FAM118A: variants seen among roughly 807,000 people sequenced by gnomAD.
The protein encoded by FAM118A is protein FAM118A.
Under a neutral mutation model 38.2 loss-of-function variants are expected in FAM118A, and 25 were observed. The observed-to-expected ratio is 0.65, with a 90% confidence interval of 0.48 to 0.91. The LOEUF (loss-of-function observed/expected upper bound fraction) is 0.91, where lower values mean the gene tolerates loss of function less well. Ranked by LOEUF, FAM118A falls within the 40% of genes least tolerant of loss-of-function variation. FAM118A has a pLI of 0.00. For missense variants in FAM118A, 425 were observed against 463.3 expected, an observed-to-expected ratio of 0.92 and a Z score of 0.76; for synonymous variants, 178 against 184.1, an observed-to-expected ratio of 0.97 and a Z score of 0.27.
At position 45,336,408 on chromosome 22, in the gene FAM118A, A is replaced by G; in HGVS notation, c.1051A>G (p.Thr351Ala). Residue 351 changes from threonine (T) to alanine (A), a missense_variant, in exon 8 of 9, where the codon ACT (threonine) becomes GCT (alanine). By Grantham distance (58) the Thr-to-Ala change is moderately conservative. Coordinates refer to ENST00000441876, the MANE Select transcript of FAM118A (RefSeq NM_017911.4). ...TTCAAAAAAACGCACACAATCAGAT[A>G]CTGGTATTGTGTCTGTTCTTTTTGT... ...EVSKKRTQSD[T>A]DDAGGS 6.2e-7 allele frequency: 1 copy of G among 1,611,498 alleles called. No individual in the cohort carries two copies. Among genetic ancestry groups the G allele is most frequent in the Non-Finnish European group, 8.5e-7 (1 of 1,177,632 alleles).
chr22:45,309,886 G>A (rs528207269), upstream of FAM118A: 1 of 152,198 alleles, frequency 6.6e-6, no homozygotes, highest in African/African-American at 2.4e-5. Context: ...CGTTGGTTTC[G>A]GGACGGAACG....
At position 45,311,294 on chromosome 22, in the gene FAM118A, G is replaced by A. The variant is rs375577688; in HGVS notation, c.-10+1111G>A. Among the ~76,000 whole-genome samples, 36 of 152,310 alleles carry A rather than the reference G, an allele frequency of 2.4e-4. 1 individual carries two copies. Among genetic ancestry groups the A allele is most frequent in the African/African-American group, 8.7e-4 (36 of 41,560 alleles). ...ACAGTGTTGGAAGGCGGGAGGTGTG[G>A]CTGGAGCACACCTAATGAAGGTGGC... On this transcript the variant is annotated intron_variant, in intron 1 of 8. Coordinates refer to ENST00000441876, the MANE Select transcript of FAM118A (RefSeq NM_017911.4).
chr22:45,336,082 G>A (rs1019239696), intron 7 of FAM118A, among the ~76,000 whole-genome samples: 3 of 152,182 alleles, frequency 2.0e-5, no homozygotes, highest in Non-Finnish European at 2.9e-5. Flanking sequence ...TGAAACCGCC[G>A]CAGTCGGCTC....
At chr22:45,326,520 T>C (rs1211528617) in intron 3 of FAM118A, among the ~76,000 whole-genome samples, 1 of 151,928 alleles carries the variant, frequency 6.6e-6, no homozygotes, top group Admixed American at 6.6e-5. Context: ...AGACCTCGTC[T>C]CTACAAAAAA....
chr22:45,310,299 CT>C (rs2084304857), intron 1 of FAM118A, 116 bp downstream of exon 1: 1 of 151,966 alleles, frequency 6.6e-6, no homozygotes, highest in Non-Finnish European at 1.5e-5. Context: ...AGCTCTTCCC[CT>C]GGAGCCCCTG....
At chr22:45,313,468 G>T (rs1203488724) in intron 1 of FAM118A, among the ~76,000 whole-genome samples, 1 of 151,882 alleles carries the variant, frequency 6.6e-6, no homozygotes, top group Non-Finnish European at 1.5e-5. Context: ...GATTACAGGC[G>T]CCTGCCACCT....
intron 6 of FAM118A, among the ~76,000 whole-genome samples, 195 bp downstream of exon 6, chr22:45,332,905 G>C (rs2085825982): frequency 6.6e-6 from 1 of 151,924 alleles, no homozygotes; most frequent in Non-Finnish European, 1.5e-5. Flanking sequence ...CACCATGCCT[G>C]GCTAATTTTG....
upstream of FAM118A, chr22:45,309,109 G>A (rs1192668995): frequency 1.3e-5 from 2 of 152,268 alleles, no homozygotes; most frequent in African/African-American, 4.8e-5. Flanking sequence ...ACCCTTTACG[G>A]ACGCGGCACC....
At chr22:45,334,771 C>T (rs12160451) in intron 6 of FAM118A, among the ~76,000 whole-genome samples, 1,880 of 152,322 alleles carry the variant, frequency 0.012, 36 homozygotes, top group African/African-American at 0.044. Context: ...CATCCTGGCA[C>T]CGGCCCACAT....
In FAM118A at chr22:45,332,672, A is replaced by G. The variant is rs1405795893; in HGVS notation, c.899A>G (p.Gln300Arg). ...DCFDHFPGYV[Q>R]DLATQICKQQ... The stretch of plus-strand genomic sequence containing the variant: ...TTTGACCACTTTCCAGGATATGTGC[A>G]AGACCTTGCCACTCAGATCTGCAAA... Residue 300 changes from glutamine to arginine, a missense_variant, in exon 6 of 9, where the codon CAA (glutamine) becomes CGA (arginine). Coordinates refer to ENST00000441876, the MANE Select transcript of FAM118A (RefSeq NM_017911.4). The G allele has an allele frequency of 6.2e-7, 1 of 1,612,516 alleles. No individual in the cohort carries two copies. Among genetic ancestry groups the G allele is most frequent in the Admixed American group, 1.7e-5 (1 of 59,948 alleles).
At chr22:45,328,569 C>T in intron 4 of FAM118A, 1 of 685,862 alleles carries the variant, frequency 1.5e-6, no homozygotes, top group Non-Finnish European at 2.7e-6. Flanking sequence ...GAGTTCCAGA[C>T]TGAAATGAGC....
In FAM118A at chr22:45,327,926, G is replaced by T. The variant is rs11556482; in HGVS notation, c.385G>T (p.Val129Leu). The T allele has an allele frequency of 6.3e-7, 1 of 1,588,880 alleles. No individual in the cohort carries two copies. The highest frequency in any genetic ancestry group is 8.6e-7 in the Non-Finnish European group (1 of 1,159,450). Residue 129 changes from valine (V) to leucine (L), a missense_variant, in exon 4 of 9, where the codon GTG becomes TTG. Coordinates refer to ENST00000441876, the MANE Select transcript of FAM118A (RefSeq NM_017911.4). The part of the protein sequence containing the change: ...DDLEQHIRSP[V>L]VLQSILSLMD... The stretch of plus-strand genomic sequence containing the variant: ...CCTGGAGCAGCACATCCGGAGTCCT[G>T]TGGTGCTGCAGTCGATCCTCAGCCT...
chr22:45,309,648 C>G (rs907977244), upstream of FAM118A: 2 of 152,276 alleles, frequency 1.3e-5, no homozygotes, highest in African/African-American at 4.8e-5. Flanking sequence ...CTCGCCGGGC[C>G]AGGTAGGGCT....
At chr22:45,319,977 C>T (rs76402891) in intron 1 of FAM118A, among the ~76,000 whole-genome samples, 1 of 152,072 alleles carries the variant, frequency 6.6e-6, no homozygotes, top group Non-Finnish European at 1.5e-5. Context: ...GTGAACTCTC[C>T]CTAGGAAAAT....
At chr22:45,331,000 G>T (rs1232813318) in intron 5 of FAM118A, among the ~76,000 whole-genome samples, 1 of 152,212 alleles carries the variant, frequency 6.6e-6, no homozygotes, top group African/African-American at 2.4e-5. Flanking sequence ...AGATCTGCCT[G>T]TACCCTCTCT....
upstream of FAM118A, chr22:45,309,493 A>C (rs1173580375): frequency 6.6e-6 from 1 of 152,386 alleles, no homozygotes; most frequent in Non-Finnish European, 1.5e-5. Flanking sequence ...GACCAGCCTC[A>C]GGTCTGGGTT....
chr22:45,322,190 A>G (rs2084919541), intron 1 of FAM118A, 181 bp from the exon 2 acceptor site: 2 of 1,505,940 alleles, frequency 1.3e-6, no homozygotes, highest in African/African-American at 1.4e-5. Context: ...GAGATGAGGA[A>G]TGGTGGCTTA....
intron 8 of FAM118A, among the ~76,000 whole-genome samples, chr22:45,337,234 A>T (rs1401791893): frequency 6.6e-6 from 1 of 152,244 alleles, no homozygotes; most frequent in African/African-American, 2.4e-5. Context: ...CAGAAAGGAA[A>T]CGAGACCCCC....
intron 5 of FAM118A, 145 bp from the exon 6 acceptor site, chr22:45,332,280 G>C: frequency 1.3e-6 from 1 of 750,452 alleles, no homozygotes; most frequent in Non-Finnish European, 2.0e-6. Context: ...GAAGGATACT[G>C]TCCTTCTAAC....
Sources: allele counts gnomAD v4.1 joint callset (sites outside exome capture counted in the v4.1 genomes callset), GRCh38; gene constraint gnomAD v4.1.1; transcripts MANE v1.5; gene names NCBI Gene and HGNC (gene_info 2026-07-23, HGNC 2026-07-21).